The following RBFOX2 variants were observed in gnomAD, a reference collection of about 807,000 sequenced individuals.
RBFOX2 encodes RNA binding protein fox-1 homolog 2.
In RBFOX2, 10 loss-of-function variants were observed where a neutral mutation model predicts 49.1. The observed-to-expected ratio is 0.20, with a 90% CI of 0.13 to 0.35. RBFOX2 has a LOEUF of 0.35. Among genes scored for constraint, RBFOX2 ranks in the 10% least tolerant of loss-of-function variants. RBFOX2 has a pLI of 1.00. For missense variants in RBFOX2, 323 were observed against 486.9 expected (o/e 0.66, Z 3.17); for synonymous variants, 183 against 187.4 (o/e 0.98, Z 0.19).
At chr22:35,938,924 A>C (rs762881280), upstream of RBFOX2, 38 of 1,594,030 alleles carry the variant, frequency 2.4e-5, no homozygotes, top group Non-Finnish European at 3.2e-5. Flanking sequence ...AAAAATATCA[A>C]ACCATGAGAT....
rs1556524955 is a variant in RBFOX2, at chr22:36,000,006, T to TATATATATATA, written c.186+28233_186+28234insTATATATATAT. ...AGTTATATATATATATATATATATA[T>TATATATATATA]TTTTTTTTTTTGAGATGGAGTCTCA... On this transcript the variant is annotated intron_variant, in intron 1 of 13. Coordinates refer to the RBFOX2 transcript ENST00000438146. 13 of 80,106 alleles carry TATATATATATA rather than the reference T, an allele frequency of 1.6e-4. No homozygotes were observed. The East Asian group carries it at 3.4e-3, about 21-fold the overall frequency. The allele number at this position is 80,106 out of a possible 1,614,324, so 5.0% of individuals were successfully genotyped here.
intron 1 of RBFOX2, among the ~76,000 whole-genome samples, chr22:35,967,411 C>CA (rs398061921): frequency 0.032 from 4,326 of 137,254 alleles, 187 homozygotes; most frequent in African/African-American, 0.11. Flanking sequence ...AATACCCTAC[C>CA]AAAAAAAAAA....
At chr22:35,977,967 G>A (rs976677732) in intron 1 of RBFOX2, among the ~76,000 whole-genome samples, 5 of 151,760 alleles carry the variant, frequency 3.3e-5, no homozygotes, top group African/African-American at 7.3e-5. Context: ...GGCACTGGAA[G>A]ACTACAGGTA....
At chr22:35,774,509 T>C (rs995401442) in intron 4 of RBFOX2, among the ~76,000 whole-genome samples, 1 of 152,132 alleles carries the variant, frequency 6.6e-6, no homozygotes, top group African/African-American at 2.4e-5. Context: ...TATGTTTTTA[T>C]AAAGGATTAG....
At chr22:35,953,479 G>T (rs1267167604) in intron 1 of RBFOX2, among the ~76,000 whole-genome samples, 1 of 152,094 alleles carries the variant, frequency 6.6e-6, no homozygotes, top group African/African-American at 2.4e-5. Flanking sequence ...AGAGAAAGCA[G>T]ATTGGTGGTT....
chr22:35,944,069 A>C (rs1201150422), intron 1 of RBFOX2, among the ~76,000 whole-genome samples: 1 of 152,248 alleles, frequency 6.6e-6, no homozygotes, highest in Non-Finnish European at 1.5e-5. Context: ...AGAATCCTTC[A>C]CTTATTCAGT....
intron 1 of RBFOX2, chr22:35,836,493 T>A (rs1300846815): frequency 1.3e-5 from 2 of 152,194 alleles, no homozygotes; most frequent in African/African-American, 2.4e-5. Context: ...TACAAAAGAA[T>A]ACACTCCAGA....
At position 35,839,007 on chromosome 22, in the gene RBFOX2, C is replaced by T. The variant is rs573757011; in HGVS notation, c.27+1185G>A. On this transcript the variant is annotated intron_variant, in intron 1 of 11. Transcript: ENST00000405409. ...CCTGATAACTAGCTGGCTCTCTCGC[C>T]CTCCGGTGGTTACTGGGAGAGGAAG... Among the ~76,000 whole-genome samples, 38 of 152,228 alleles carry T rather than the reference C, an allele frequency of 2.5e-4. No homozygotes were observed. The South Asian group carries it at 7.5e-3, about 30-fold the overall frequency.
intron 1 of RBFOX2, among the ~76,000 whole-genome samples, chr22:35,823,114 T>C (rs1325320910): frequency 6.6e-6 from 1 of 152,192 alleles, no homozygotes; most frequent in Non-Finnish European, 1.5e-5. Flanking sequence ...AGCCACCGCA[T>C]CCGGCCTTGT....
At chr22:35,966,750 C>T (rs1042640749) in intron 1 of RBFOX2, among the ~76,000 whole-genome samples, 1 of 151,978 alleles carries the variant, frequency 6.6e-6, no homozygotes, top group Admixed American at 6.6e-5. Flanking sequence ...TAGCCAGATC[C>T]CTATACTACA....
chr22:35,841,386 T>C, upstream of RBFOX2, among the ~76,000 whole-genome samples: 1 of 152,140 alleles, frequency 6.6e-6, no homozygotes, highest in South Asian at 2.1e-4. Flanking sequence ...AATAATATAA[T>C]TAAAAAATGC....
chr22:35,777,963 A>G, intron 4 of RBFOX2, 62 bp downstream of exon 5: 1 of 1,461,642 alleles, frequency 6.8e-7, no homozygotes. Flanking sequence ...AATACTTGCT[A>G]TTTAAAATAA....
intron 1 of RBFOX2, among the ~76,000 whole-genome samples, chr22:36,008,243 G>A (rs2058689671): frequency 1.3e-5 from 2 of 151,884 alleles, no homozygotes; most frequent in Admixed American, 1.3e-4. Flanking sequence ...CAAAACTCAA[G>A]TTTTATAAGA....
chr22:35,948,272 G>A (rs1300279059), intron 1 of RBFOX2, among the ~76,000 whole-genome samples: 2 of 152,108 alleles, frequency 1.3e-5, no homozygotes, highest in South Asian at 2.1e-4. Flanking sequence ...CCACTCTGCT[G>A]TCATCAATTC....
intron 2 of RBFOX2, among the ~76,000 whole-genome samples, chr22:35,802,349 C>CA (rs1455379860): frequency 6.6e-6 from 1 of 152,072 alleles, no homozygotes; most frequent in African/African-American, 2.4e-5. Flanking sequence ...ATGAACAGGT[C>CA]AGTGAACTGT....
chr22:35,889,979 T>C (rs1047994111), intron 1 of RBFOX2, among the ~76,000 whole-genome samples: 3 of 152,146 alleles, frequency 2.0e-5, no homozygotes, highest in African/African-American at 7.2e-5. Context: ...AGAAAGATGA[T>C]ACACTGACAA....
Position 35,778,009 on chromosome 22 carries a change from C to CT in RBFOX2, c.453+15dup. The CT allele has an allele frequency of 6.2e-7, 1 of 1,603,486 alleles. No individual in the cohort carries two copies. The highest frequency in any genetic ancestry group is 8.5e-7 in the Non-Finnish European group (1 of 1,173,566). On this transcript the variant is annotated intron_variant, in intron 4 of 11. Transcript: ENST00000405409. The stretch of plus-strand genomic sequence containing the variant: ...AAAAAGAAATCAAGCACACTTGACA[C>CT]TGAAATGGAGCTTACCTTAGAGCCA...
intron 1 of RBFOX2, among the ~76,000 whole-genome samples, chr22:35,905,838 T>C (rs921285297): frequency 3.3e-4 from 50 of 152,178 alleles, no homozygotes; most frequent in African/African-American, 1.2e-3. Flanking sequence ...GGAACACATA[T>C]GTCATGGTGG....
chr22:35,772,178 T>C (rs897132498), intron 4 of RBFOX2, among the ~76,000 whole-genome samples: 5 of 152,194 alleles, frequency 3.3e-5, no homozygotes, highest in African/African-American at 1.2e-4. Context: ...ATTTTTGTTA[T>C]CTAAACTTCT....
Sources: allele counts gnomAD v4.1 joint callset (sites outside exome capture counted in the v4.1 genomes callset), GRCh38; gene constraint gnomAD v4.1.1; transcripts MANE v1.5; gene names NCBI Gene and HGNC (gene_info 2026-07-23, HGNC 2026-07-21).